The following RIF1 variants were observed in gnomAD, a reference collection of about 807,000 sequenced individuals.
RIF1 encodes the protein replication timing regulatory factor 1, also known as telomere-associated protein RIF1.
In RIF1, 45 loss-of-function variants were observed where a neutral mutation model predicts 247.1. That is an observed-to-expected ratio of 0.18 (90% CI 0.14 to 0.23). RIF1 has a LOEUF of 0.23. RIF1 is among the 10% of genes least tolerant of loss of function. The pLI, the probability that RIF1 is intolerant of heterozygous loss-of-function variation, is 1.00. For missense variants in RIF1, 2,967 were observed against 2,862.5 expected (o/e 1.04, Z -0.83); for synonymous variants, 1,087 against 978.8 (o/e 1.11, Z -2.06).
chr2:151,452,373 TA>T (rs1205251565), intron 21 of RIF1, among the ~76,000 whole-genome samples: 1 of 152,224 alleles, frequency 6.6e-6, no homozygotes, highest in African/African-American at 2.4e-5. Context: ...ACCATATAGG[TA>T]GTGATAATCT....
At chr2:151,531,185 G>C in the RIF1 span, 1 of 879,250 alleles carries the variant, frequency 1.1e-6, no homozygotes, top group East Asian at 2.7e-5. Context: ...TTTTTCCTGA[G>C]TGAATATAAA....
chr2:151,454,409 A>C lies in RIF1; in HGVS notation c.2345-486A>C, dbSNP rs1268909145. Among the ~76,000 whole-genome samples the C allele has an allele frequency of 2.0e-5, 3 of 152,262 alleles. No individual in the cohort carries two copies. The East Asian group carries it at 5.8e-4, about 29-fold the overall frequency. On this transcript the variant is annotated intron_variant, in intron 21 of 35. Transcript: ENST00000444746. ...TTACTGCATTCTTTCTCAGCTTTGT[A>C]TCTCTGACTTGTTCAATGTTATTTG...
chr2:151,459,092 T>C (rs182011059), intron 25 of RIF1, among the ~76,000 whole-genome samples, 182 bp downstream of exon 25: 1 of 152,364 alleles, frequency 6.6e-6, no homozygotes, highest in Admixed American at 6.5e-5. Flanking sequence ...GTAAATAATC[T>C]CTAATTCTTG....
At chr2:151,451,322 T>G (rs1261841296) in intron 20 of RIF1, among the ~76,000 whole-genome samples, 2 of 152,206 alleles carry the variant, frequency 1.3e-5, no homozygotes, top group Non-Finnish European at 2.9e-5. Context: ...GCTATGTGTT[T>G]GTAGCTTAGG....
intron 30 of RIF1, among the ~76,000 whole-genome samples, chr2:151,467,308 TCTG>T (rs545209938): frequency 3.4e-3 from 521 of 152,324 alleles, no homozygotes; most frequent in Non-Finnish European, 6.0e-3. Context: ...TGAAAATTCT[TCTG>T]CTGAGAATCT....
chr2:151,534,086 T>G, the RIF1 span: 7 of 694,654 alleles, frequency 1.0e-5, no homozygotes, highest in Non-Finnish European at 1.7e-5. Flanking sequence ...GCTAGACAGA[T>G]ACTTTGAAAC....
chr2:151,510,585 GGAGA>G (rs571809291), downstream of RIF1, among the ~76,000 whole-genome samples: 65 of 152,156 alleles, frequency 4.3e-4, no homozygotes, highest in South Asian at 3.5e-3. Flanking sequence ...ATATTCTGAG[GGAGA>G]GAGAGAGACC....
intron 34 of RIF1, 23 bp from the exon 35 acceptor site, chr2:151,473,941 T>C (rs772418496): frequency 1.1e-5 from 14 of 1,310,154 alleles, no homozygotes; most frequent in Non-Finnish European, 1.5e-5. Flanking sequence ...TTTGCGTTTT[T>C]TTCTGCTCCA....
At chr2:151,484,752 G>T (rs2049414253), downstream of RIF1, among the ~76,000 whole-genome samples, 1 of 152,158 alleles carries the variant, frequency 6.6e-6, no homozygotes, top group South Asian at 2.1e-4. Context: ...AGCACCATTT[G>T]GCACCATTTG....
At chr2:151,486,861 G>A (rs2050894438), downstream of RIF1, 1 of 152,236 alleles carries the variant, frequency 6.6e-6, no homozygotes, top group African/African-American at 2.4e-5. Context: ...AAAGGGGATG[G>A]AGAATGAATG....
chr2:151,414,963 A>AT, intron 4 of RIF1, 44 bp downstream of exon 4: 1 of 1,251,324 alleles, frequency 8.0e-7, no homozygotes, highest in Non-Finnish European at 1.1e-6. Flanking sequence ...AGTATAAAGT[A>AT]TAAGTTTTAA....
At position 151,463,511 on chromosome 2, in the gene RIF1, T is replaced by A. The variant is rs764691936; in HGVS notation, c.3991T>A (p.Leu1331Met). The change falls in exon 30 of 36, where the codon TTG (leucine) becomes ATG (methionine). Residue 1331 changes from leucine (L) to methionine (M), a missense_variant. Leu to Met is a conservative substitution (Grantham distance 15). Coordinates refer to ENST00000444746, the MANE Select transcript of RIF1 (RefSeq NM_018151.5). ...IVVLENNPPG[L>M]LNQTECVSDN... ...AGTCTTAGAAAATAACCCACCTGGT[T>A]TGCTTAATCAAACAGAATGTGTGTC... The A allele has an allele frequency of 1.2e-6, 2 of 1,613,988 alleles. No homozygotes were observed. The highest frequency in any genetic ancestry group is 1.7e-6 in the Non-Finnish European group (2 of 1,179,990).
the RIF1 span, among the ~76,000 whole-genome samples, chr2:151,520,874 T>C: frequency 6.6e-6 from 1 of 152,010 alleles, no homozygotes; most frequent in Non-Finnish European, 1.5e-5. Flanking sequence ...ACAAAATAAA[T>C]AAGAGGATTT....
chr2:151,463,605 T>G lies in RIF1; in HGVS notation c.4085T>G (p.Val1362Gly). 1 of 1,613,552 alleles carries G rather than the reference T, an allele frequency of 6.2e-7. No individual in the cohort carries two copies. The highest frequency in any genetic ancestry group is 8.5e-7 in the Non-Finnish European group (1 of 1,179,840). The stretch of plus-strand genomic sequence containing the variant: ...AATACAAAGCTTAAAGCAGCAACAG[T>G]GGAAAATGCTGTATTATTGGAAACT... ...HDNTKLKAAT[V>G]ENAVLLETNT... Residue 1362 changes from valine (V) to glycine (G), a missense_variant, in exon 30 of 36, where the codon GTG becomes GGG. Physicochemically the swap from Val to Gly is moderately radical, Grantham distance 109. Around this residue, in one of 7 missense-constraint regions of RIF1, gnomAD observed 2,028 missense variants for 1,825.6 expected, o/e 1.11. Coordinates refer to ENST00000444746, the MANE Select transcript of RIF1 (RefSeq NM_018151.5).
At chr2:151,519,058 C>T in the RIF1 span, 1 of 1,609,446 alleles carries the variant, frequency 6.2e-7, no homozygotes, top group Non-Finnish European at 8.5e-7. Context: ...TCAGGTCAGC[C>T]TTGTATTTAA....
chr2:151,412,940 G>A (rs1686523068), intron 3 of RIF1, among the ~76,000 whole-genome samples: 1 of 151,898 alleles, frequency 6.6e-6, no homozygotes, highest in African/African-American at 2.4e-5. Flanking sequence ...CTTAATATCA[G>A]TGTTTATTCC....
intron 18 of RIF1, among the ~76,000 whole-genome samples, chr2:151,443,972 T>G (rs927631114): frequency 3.3e-5 from 5 of 152,222 alleles, no homozygotes; most frequent in Admixed American, 3.3e-4. Context: ...TGTAAATTCT[T>G]GTATCTTGGA....
intron 34 of RIF1, among the ~76,000 whole-genome samples, chr2:151,472,145 G>T (rs1441929702): frequency 6.6e-6 from 1 of 152,082 alleles, no homozygotes; most frequent in Non-Finnish European, 1.5e-5. Flanking sequence ...GTGAATGGGA[G>T]TTCACTCATG....
chr2:151,441,384 CAT>C (rs1017119960), intron 15 of RIF1, among the ~76,000 whole-genome samples: 41 of 152,182 alleles, frequency 2.7e-4, no homozygotes, highest in Admixed American at 2.0e-3. Context: ...TATAAAAAAA[CAT>C]AGAAATAGCC....
Sources: allele counts gnomAD v4.1 joint callset (sites outside exome capture counted in the v4.1 genomes callset), GRCh38; gene constraint gnomAD v4.1.1; regional missense constraint gnomAD v4.1.1; transcripts MANE v1.5; gene names NCBI Gene and HGNC (gene_info 2026-07-23, HGNC 2026-07-21).